Variants in ADAMTSL3 observed in about 807,000 individuals in gnomAD.
ADAMTSL3 encodes ADAMTS-like protein 3.
ADAMTSL3 carries 128 observed loss-of-function variants against 201.7 expected under a neutral mutation model. The observed-to-expected ratio is 0.63, with a 90% CI of 0.55 to 0.73. ADAMTSL3 has a LOEUF of 0.73. ADAMTSL3 is among the 30% of genes least tolerant of loss of function. The probability of loss-of-function intolerance (pLI) is 0.00; values close to 1 mark genes in which losing one functional copy is unlikely to be tolerated. For missense variants in ADAMTSL3, 1,990 were observed against 2,119.6 expected (o/e 0.94, Z 1.20); for synonymous variants, 738 against 748.4 (o/e 0.99, Z 0.23).
At chr15:83,829,831 G>C (rs554825462) in intron 6 of ADAMTSL3, among the ~76,000 whole-genome samples, 33 of 152,322 alleles carry the variant, frequency 2.2e-4, no homozygotes, top group African/African-American at 7.5e-4. Flanking sequence ...ATGTAGTTGA[G>C]TGGTTTTGAG....
At chr15:83,735,814 G>A (rs114515065) in intron 3 of ADAMTSL3, among the ~76,000 whole-genome samples, 119 of 152,104 alleles carry the variant, frequency 7.8e-4, no homozygotes, top group African/African-American at 2.8e-3. Flanking sequence ...TTTAACACAC[G>A]TAAAATAAAA....
intron 4 of ADAMTSL3, among the ~76,000 whole-genome samples, chr15:83,790,006 G>T (rs2063320324): frequency 6.6e-6 from 1 of 151,690 alleles, no homozygotes. Context: ...ACCTTTTTCT[G>T]GGGCTGAGAA....
chr15:84,034,728 C>CCAGG (rs2068473558), intron 28 of ADAMTSL3, among the ~76,000 whole-genome samples: 1 of 152,186 alleles, frequency 6.6e-6, no homozygotes, highest in Non-Finnish European at 1.5e-5. Context: ...CTTCGAATAA[C>CCAGG]CAGGCAGGCT....
rs555025256 is a variant in ADAMTSL3 at position 83,963,228 on chromosome 15, C to A, written c.2491-7256C>A. ...GGCCTAGCTCAGCAGATCCCACCCC[C>A]ACAGAGCCCAGCAAGCTAAGATCTA... On this transcript the variant is annotated intron_variant, in intron 19 of 29. Transcript: ENST00000286744. Among the ~76,000 whole-genome samples, 10 of 152,352 alleles carry A rather than the reference C, an allele frequency of 6.6e-5. No homozygotes were observed. In the East Asian group the frequency reaches 1.5e-3, roughly 24 times the overall value.
At chr15:83,710,399 T>A (rs141875046) in intron 3 of ADAMTSL3, among the ~76,000 whole-genome samples, 1 of 152,354 alleles carries the variant, frequency 6.6e-6, no homozygotes, top group East Asian at 1.9e-4. Flanking sequence ...TGTCTCTTGC[T>A]GCTTTCTGCT....
chr15:83,954,094 C>T (rs2066807416), intron 19 of ADAMTSL3, among the ~76,000 whole-genome samples: 1 of 152,288 alleles, frequency 6.6e-6, no homozygotes, highest in East Asian at 1.9e-4. Context: ...GGGAAGTTCT[C>T]TGATATCCCT....
At chr15:83,896,564 ACC>A (rs1389439930) in intron 13 of ADAMTSL3, among the ~76,000 whole-genome samples, 1 of 152,146 alleles carries the variant, frequency 6.6e-6, no homozygotes, top group African/African-American at 2.4e-5. Flanking sequence ...GAACAATGGC[ACC>A]ACACTAAGGC....
chr15:83,804,381 A>G (rs765368723), intron 4 of ADAMTSL3, among the ~76,000 whole-genome samples: 5 of 152,158 alleles, frequency 3.3e-5, no homozygotes, highest in Admixed American at 6.5e-5. Flanking sequence ...TAGTGGTTAT[A>G]TGGACCCTTG....
At chr15:83,697,794 T>C (rs919339250) in intron 2 of ADAMTSL3, among the ~76,000 whole-genome samples, 3 of 152,080 alleles carry the variant, frequency 2.0e-5, no homozygotes, top group Admixed American at 6.5e-5. Context: ...GATGACCTCA[T>C]TGGCCATTAG....
chr15:83,822,075 C>T (rs1171032443), intron 6 of ADAMTSL3, among the ~76,000 whole-genome samples: 2 of 137,640 alleles, frequency 1.5e-5, no homozygotes, highest in South Asian at 2.4e-4. Flanking sequence ...TAGGGGCGGC[C>T]GGGCAGAGGC....
At chr15:83,713,923 G>A (rs2061965493) in intron 3 of ADAMTSL3, among the ~76,000 whole-genome samples, 1 of 152,132 alleles carries the variant, frequency 6.6e-6, no homozygotes, top group African/African-American at 2.4e-5. Flanking sequence ...GCCTGCTCAT[G>A]CTTGGAGTTT....
At chr15:83,748,438 A>G (rs933039958) in intron 3 of ADAMTSL3, among the ~76,000 whole-genome samples, 4 of 152,092 alleles carry the variant, frequency 2.6e-5, no homozygotes, top group Admixed American at 6.5e-5. Flanking sequence ...CCTTGAGCTC[A>G]GGAGTTTGAG....
chr15:83,837,182 TTATAAA>T (rs776065846), intron 6 of ADAMTSL3, among the ~76,000 whole-genome samples: 37 of 151,938 alleles, frequency 2.4e-4, no homozygotes, highest in Non-Finnish European at 2.4e-4. Flanking sequence ...TAAAAATTGT[TTATAAA>T]TATATAGGTA....
chr15:83,865,137 T>C (rs2064947714), intron 8 of ADAMTSL3, among the ~76,000 whole-genome samples: 1 of 152,122 alleles, frequency 6.6e-6, no homozygotes, highest in Non-Finnish European at 1.5e-5. Flanking sequence ...TGGAAGAACA[T>C]TCCATGCTCG....
chr15:84,020,074 A>G (rs1382284349), intron 25 of ADAMTSL3, among the ~76,000 whole-genome samples: 1 of 152,158 alleles, frequency 6.6e-6, no homozygotes, highest in African/African-American at 2.4e-5. Context: ...GCTTTGGATC[A>G]TGGTTACGTA....
chr15:83,940,541 C>T (rs1197889545), intron 17 of ADAMTSL3, among the ~76,000 whole-genome samples: 1 of 152,172 alleles, frequency 6.6e-6, no homozygotes, highest in Non-Finnish European at 1.5e-5. Flanking sequence ...TCTCATGTCC[C>T]CATCTAACCC....
intron 23 of ADAMTSL3, among the ~76,000 whole-genome samples, chr15:84,003,966 G>A (rs760522475): frequency 7.2e-5 from 11 of 152,136 alleles, no homozygotes; most frequent in Non-Finnish European, 8.8e-5. Flanking sequence ...TTCAACCCCC[G>A]GAAATAAGAA....
At chr15:83,872,237 A>G (rs1023807136) in intron 9 of ADAMTSL3, among the ~76,000 whole-genome samples, 1 of 152,120 alleles carries the variant, frequency 6.6e-6, no homozygotes, top group Non-Finnish European at 1.5e-5. Context: ...TACAATAGCA[A>G]TAAGTGACTG....
intron 16 of ADAMTSL3, among the ~76,000 whole-genome samples, chr15:83,919,149 G>A (rs1197870693): frequency 1.3e-5 from 2 of 152,184 alleles, no homozygotes; most frequent in African/African-American, 4.8e-5. Flanking sequence ...GGATGTGTGA[G>A]TCTGAAGTGA....
Sources: gnomAD v4.1 joint callset for allele counts (sites outside exome capture counted in the v4.1 genomes callset) on GRCh38, gnomAD v4.1.1 for gene constraint, MANE v1.5 for transcripts, NCBI Gene and HGNC (gene_info 2026-07-23, HGNC 2026-07-21) for gene names.